The following SCN8A variants were observed in gnomAD, a reference collection of about 807,000 sequenced individuals.
SCN8A encodes sodium channel protein type 8 subunit alpha.
A neutral mutation model predicts 184.1 loss-of-function variants in SCN8A; 30 were observed. The observed-to-expected ratio is 0.16, with a 90% CI of 0.12 to 0.22. SCN8A has a LOEUF of 0.22. Among genes scored for constraint, SCN8A ranks in the 10% least tolerant of loss-of-function variants. SCN8A has a pLI of 1.00. For missense variants in SCN8A, 1,057 were observed against 2,498.9 expected (o/e 0.42, Z 12.30); for synonymous variants, 852 against 907.0 (o/e 0.94, Z 1.09).
chr12:51,721,081 TTATA>T (rs58356368), intron 11 of SCN8A, among the ~76,000 whole-genome samples: 63 of 86,800 alleles, frequency 7.3e-4, no homozygotes, highest in African/African-American at 2.4e-3. Flanking sequence ...AAAAAAAAAA[TTATA>T]TATATATATA....
chr12:51,687,264 T>A (rs747009962), intron 5 of SCN8A, 45 bp downstream of exon 5: 10 of 1,606,664 alleles, frequency 6.2e-6, no homozygotes, highest in Non-Finnish European at 8.5e-6. Context: ...TGTGATTCTG[T>A]GTGTGGAGTT....
chr12:51,788,781 T>C, intron 23 of SCN8A, 33 bp downstream of exon 23: 1 of 1,592,378 alleles, frequency 6.3e-7, no homozygotes, highest in Non-Finnish European at 8.6e-7. Flanking sequence ...TACCACCTTC[T>C]CAGATGGCTG....
chr12:51,638,484 A>G (rs918006319), intron 1 of SCN8A, among the ~76,000 whole-genome samples: 1 of 149,174 alleles, frequency 6.7e-6, no homozygotes, highest in South Asian at 2.1e-4. Context: ...GAAAGGAGTT[A>G]TTCCTTTTTT....
chr12:51,770,442 C>T, intron 18 of SCN8A, 87 bp from the exon 19 acceptor site: 3 of 1,410,218 alleles, frequency 2.1e-6, no homozygotes, highest in Non-Finnish European at 1.9e-6. Flanking sequence ...TGGGGCAGCA[C>T]CTGGCAGGGC....
rs529463200 is a variant in SCN8A, at chr12:51,726,575, G to A, written c.1998+4667G>A. On this transcript the variant is annotated intron_variant, in intron 12 of 26. Coordinates refer to ENST00000627620, the MANE Select transcript of SCN8A (RefSeq NM_001330260.2). The stretch of plus-strand genomic sequence containing the variant: ...TTCTGTATTTGTGCATATGATCCTG[G>A]GAAATTCTCTAAGCCATTTTCTTCT... Among the ~76,000 whole-genome samples the A allele has an allele frequency of 2.0e-5, 3 of 152,116 alleles. No homozygotes were observed. The East Asian group carries it at 5.8e-4, about 29-fold the overall frequency.
At chr12:51,727,570 G>T (rs1413856461) in intron 12 of SCN8A, among the ~76,000 whole-genome samples, 1 of 152,092 alleles carries the variant, frequency 6.6e-6, no homozygotes, top group African/African-American at 2.4e-5. Flanking sequence ...TACATCTCAC[G>T]GAAGCCCAAG....
At chr12:51,693,416 T>A (rs1259269287) in intron 6 of SCN8A, among the ~76,000 whole-genome samples, 1 of 152,180 alleles carries the variant, frequency 6.6e-6, no homozygotes, top group Non-Finnish European at 1.5e-5. Flanking sequence ...AGGTCTCGAG[T>A]AAATAAATCT....
chr12:51,755,553 C>G (rs1317952134), intron 14 of SCN8A, among the ~76,000 whole-genome samples: 1 of 151,846 alleles, frequency 6.6e-6, no homozygotes, highest in African/African-American at 2.4e-5. Flanking sequence ...TCAGCTGAGG[C>G]AGGAGGATCG....
intron 13 of SCN8A, among the ~76,000 whole-genome samples, chr12:51,746,353 A>T (rs1457418475): frequency 6.6e-6 from 1 of 152,216 alleles, no homozygotes; most frequent in Non-Finnish European, 1.5e-5. Context: ...GGGTGCTGTA[A>T]GGCATAAAGG....
intron 11 of SCN8A, among the ~76,000 whole-genome samples, chr12:51,716,887 AACTC>A (rs1225672146): frequency 1.3e-5 from 2 of 152,268 alleles, no homozygotes; most frequent in African/African-American, 4.8e-5. Flanking sequence ...TCCTTTATCT[AACTC>A]ACTCACTAAG....
intron 1 of SCN8A, among the ~76,000 whole-genome samples, chr12:51,659,585 A>C (rs973807331): frequency 6.6e-6 from 1 of 152,188 alleles, no homozygotes. Flanking sequence ...AAATGGCAGA[A>C]ATTTGGAATC....
In SCN8A at chr12:51,721,910, T is replaced by C. The variant is rs761335137; in HGVS notation, c.1998+2T>C. On this transcript the variant is annotated splice_donor_variant, in intron 12 of 26. Transcript: ENST00000627620. LOFTEE classifies it high-confidence loss of function. The stretch of plus-strand genomic sequence containing the variant: ...ATCGGCGGGCGTCTCCTGCCAGAGG[T>C]GAAAATTGATAAGGCAGCTACCGAT... 6.3e-7 allele frequency: 1 copy of C among 1,599,296 alleles called. No homozygotes were observed. The highest frequency in any genetic ancestry group is 1.7e-5 in the Admixed American group (1 of 60,002).
At chr12:51,678,168 C>A (rs767268850) in intron 2 of SCN8A, among the ~76,000 whole-genome samples, 35 of 152,222 alleles carry the variant, frequency 2.3e-4, no homozygotes, top group Non-Finnish European at 4.7e-4. Context: ...CAACCCATCA[C>A]CAGTCATTCC....
chr12:51,778,336 G>T (rs1264458847), intron 20 of SCN8A, among the ~76,000 whole-genome samples: 3 of 152,050 alleles, frequency 2.0e-5, no homozygotes, highest in Non-Finnish European at 2.9e-5. Flanking sequence ...CCACGTTGGA[G>T]TGCAATGGCA....
chr12:51,596,867 A>G (rs1939360690), intron 1 of SCN8A, among the ~76,000 whole-genome samples: 1 of 151,868 alleles, frequency 6.6e-6, no homozygotes, highest in African/African-American at 2.4e-5. Flanking sequence ...CCCATTGCCA[A>G]CCTAGGTTGT....
intron 11 of SCN8A, among the ~76,000 whole-genome samples, chr12:51,716,060 A>C (rs1452536753): frequency 1.3e-5 from 2 of 152,246 alleles, no homozygotes; most frequent in African/African-American, 4.8e-5. Flanking sequence ...TAGGCTGGAT[A>C]CAGTGACTCA....
At chr12:51,674,811 G>A (rs918536428) in intron 2 of SCN8A, among the ~76,000 whole-genome samples, 2 of 152,120 alleles carry the variant, frequency 1.3e-5, no homozygotes, top group African/African-American at 4.8e-5. Flanking sequence ...ATAACAACCT[G>A]ATAAAATTGG....
chr12:51,601,431 C>T (rs964856365), intron 1 of SCN8A, among the ~76,000 whole-genome samples: 4 of 149,842 alleles, frequency 2.7e-5, no homozygotes, highest in African/African-American at 9.8e-5. Flanking sequence ...TTTCACTTAC[C>T]TAACAAGGCC....
At position 51,645,504 on chromosome 12, in the gene SCN8A, A is replaced by G. The variant is rs1250340266; in HGVS notation, c.-54-17260A>G. Among the ~76,000 whole-genome samples, 486 of 151,906 alleles carry G rather than the reference A, an allele frequency of 3.2e-3. 5 individuals are homozygous for G. The highest frequency in any genetic ancestry group is 0.03 in the Admixed American group (450 of 15,244). ...GCCATGATGACAATGGCGGTTTTGTAGAATAGAAAGGGGGGAAAGGTGGGG... is the reference window on the plus strand; with the variant it reads ...GCCATGATGACAATGGCGGTTTTGTGGAATAGAAAGGGGGGAAAGGTGGGG... On this transcript the variant is annotated intron_variant, in intron 1 of 26. Coordinates refer to ENST00000627620, the MANE Select transcript of SCN8A (RefSeq NM_001330260.2).
Sources: allele counts gnomAD v4.1 joint callset (sites outside exome capture counted in the v4.1 genomes callset), GRCh38; gene constraint gnomAD v4.1.1; transcripts MANE v1.5; gene names NCBI Gene and HGNC (gene_info 2026-07-23, HGNC 2026-07-21).